XRCC4: variants seen among roughly 807,000 people sequenced by gnomAD.
XRCC4 encodes the protein X-ray repair cross complementing 4.
XRCC4 carries 28 observed loss-of-function variants against 39.1 expected under a neutral mutation model. That is an observed-to-expected ratio of 0.72 (90% CI 0.53 to 0.98). The LOEUF (loss-of-function observed/expected upper bound fraction) is 0.98. Ranked by LOEUF, XRCC4 falls within the 50% of genes least tolerant of loss-of-function variation. The pLI, the probability that XRCC4 is intolerant of heterozygous loss-of-function variation, is 0.00. For missense variants in XRCC4, 350 were observed against 376.4 expected, an observed-to-expected ratio of 0.93 and a Z score of 0.58; for synonymous variants, 123 against 126.4, an observed-to-expected ratio of 0.97 and a Z score of 0.18.
At chr5:83,188,391 G>A (rs1750549278) in intron 3 of XRCC4, among the ~76,000 whole-genome samples, 1 of 152,014 alleles carries the variant, frequency 6.6e-6, no homozygotes, top group Non-Finnish European at 1.5e-5. Context: ...AGACATTCTG[G>A]GTGTTTTTGT....
At chr5:83,135,897 T>C (rs1384768280) in intron 3 of XRCC4, among the ~76,000 whole-genome samples, 1 of 152,220 alleles carries the variant, frequency 6.6e-6, no homozygotes. Flanking sequence ...CTGCTCCATA[T>C]GTGTTCTGTT....
intron 7 of XRCC4, among the ~76,000 whole-genome samples, chr5:83,329,399 T>G (rs1756366113): frequency 6.6e-6 from 1 of 152,120 alleles, no homozygotes; most frequent in Admixed American, 6.6e-5. Flanking sequence ...AAAGAATTTG[T>G]ATTCTCTAAG....
At chr5:83,080,538 A>C (rs951461970) in intron 1 of XRCC4, among the ~76,000 whole-genome samples, 25 of 152,234 alleles carry the variant, frequency 1.6e-4, no homozygotes, top group African/African-American at 5.5e-4. Context: ...AAAAAAAAAA[A>C]AAAATTCCAG....
At chr5:83,306,702 C>A (rs1755500596) in intron 7 of XRCC4, among the ~76,000 whole-genome samples, 2 of 152,192 alleles carry the variant, frequency 1.3e-5, no homozygotes, top group South Asian at 4.1e-4. Context: ...AGCAGAGCCA[C>A]ACAAGCACTG....
At chr5:83,332,271 A>G (rs187192928) in intron 7 of XRCC4, among the ~76,000 whole-genome samples, 2,778 of 139,604 alleles carry the variant, frequency 0.02, 79 homozygotes, top group African/African-American at 0.065. Flanking sequence ...ACACACAGAA[A>G]GAGAGAGAGA....
intron 6 of XRCC4, among the ~76,000 whole-genome samples, chr5:83,236,825 C>A (rs1356408852): frequency 6.9e-6 from 1 of 144,482 alleles, no homozygotes; most frequent in Non-Finnish European, 1.5e-5. Flanking sequence ...CAGCAAGGGA[C>A]AAATAACCAG....
chr5:83,085,701 A>G (rs1034082557), intron 1 of XRCC4, among the ~76,000 whole-genome samples: 1 of 152,218 alleles, frequency 6.6e-6, no homozygotes, highest in Non-Finnish European at 1.5e-5. Context: ...AAATTGGCTC[A>G]TGATGACTTA....
intron 7 of XRCC4, among the ~76,000 whole-genome samples, chr5:83,281,181 T>C (rs775416167): frequency 6.6e-6 from 1 of 152,224 alleles, no homozygotes; most frequent in Non-Finnish European, 1.5e-5. Flanking sequence ...ATATGACTTT[T>C]TAACCTCTTT....
At chr5:83,261,607 T>C (rs1026096745) in intron 7 of XRCC4, among the ~76,000 whole-genome samples, 1 of 60,378 alleles carries the variant, frequency 1.7e-5, no homozygotes, top group Admixed American at 2.8e-4. Flanking sequence ...TACTATGGCT[T>C]AATTTTTTTT....
chr5:83,336,965 G>A (rs1221794880), intron 7 of XRCC4, among the ~76,000 whole-genome samples: 2 of 152,196 alleles, frequency 1.3e-5, no homozygotes, highest in Non-Finnish European at 2.9e-5. Context: ...ACCAGCTATA[G>A]TTGTCAGAAA....
At chr5:83,308,764 T>C (rs1472697587) in intron 7 of XRCC4, among the ~76,000 whole-genome samples, 2 of 152,216 alleles carry the variant, frequency 1.3e-5, no homozygotes, top group Non-Finnish European at 2.9e-5. Flanking sequence ...TTACTCTTTA[T>C]ATAATCACAA....
At chr5:83,177,795 G>T (rs1219242044) in intron 3 of XRCC4, among the ~76,000 whole-genome samples, 1 of 152,130 alleles carries the variant, frequency 6.6e-6, no homozygotes, top group African/African-American at 2.4e-5. Flanking sequence ...AGCTTGAGAG[G>T]TAAGGTTCTG....
intron 3 of XRCC4, among the ~76,000 whole-genome samples, chr5:83,163,821 T>C (rs1218825306): frequency 1.3e-5 from 2 of 152,242 alleles, no homozygotes; most frequent in African/African-American, 4.8e-5. Flanking sequence ...GGTCATCAAG[T>C]AAGACAATTT....
At chr5:83,117,093 A>G (rs1195926073) in intron 3 of XRCC4, among the ~76,000 whole-genome samples, 1 of 152,146 alleles carries the variant, frequency 6.6e-6, no homozygotes, top group African/African-American at 2.4e-5. Flanking sequence ...TAGATAACAT[A>G]GATCCTTTTA....
chr5:83,332,226 TACACACACACAC>T lies in XRCC4; in HGVS notation c.894-20875_894-20864del, dbSNP rs67822741. On this transcript the variant is annotated intron_variant, in intron 7 of 7. Coordinates refer to ENST00000396027, the MANE Select transcript of XRCC4 (RefSeq NM_003401.5). Reference sequence around the variant, plus strand: ...CTTGAATATGAACATTTCAATCTTCTACACACACACACACACACACACACACACACACACACA... The same window carrying T: ...CTTGAATATGAACATTTCAATCTTCTACACACACACACACACACACACACA... Among the ~76,000 whole-genome samples, 349 of 142,036 alleles carry T rather than the reference TACACACACACAC, an allele frequency of 2.5e-3. 2 individuals are homozygous for T. The highest frequency in any genetic ancestry group is 6.4e-3 in the African/African-American group (246 of 38,340). 93.2% of individuals were successfully genotyped at this position (142,036 alleles called of 152,430 possible).
intron 6 of XRCC4, among the ~76,000 whole-genome samples, chr5:83,228,311 C>A (rs28360194): frequency 0.016 from 2,417 of 151,824 alleles, 58 homozygotes; most frequent in African/African-American, 0.054. Flanking sequence ...ATCGAATTTT[C>A]ACATTGTGAT....
chr5:83,122,342 T>C (rs1747050313), intron 3 of XRCC4, among the ~76,000 whole-genome samples: 1 of 152,048 alleles, frequency 6.6e-6, no homozygotes, highest in South Asian at 2.1e-4. Context: ...CCAGGGGAGA[T>C]TTTGCTCATC....
intron 6 of XRCC4, among the ~76,000 whole-genome samples, chr5:83,225,718 C>T (rs1009743921): frequency 3.3e-5 from 5 of 151,274 alleles, no homozygotes; most frequent in Admixed American, 6.6e-5. Flanking sequence ...TTATTGTTTG[C>T]CCTGTTAATT....
intron 3 of XRCC4, among the ~76,000 whole-genome samples, chr5:83,183,014 T>C (rs1332234325): frequency 6.6e-6 from 1 of 152,236 alleles, no homozygotes; most frequent in East Asian, 1.9e-4. Flanking sequence ...TTTGTCACAC[T>C]AATGGAACAT....
Sources: allele counts gnomAD v4.1 joint callset (sites outside exome capture counted in the v4.1 genomes callset), GRCh38; gene constraint gnomAD v4.1.1; transcripts MANE v1.5; gene names NCBI Gene and HGNC (gene_info 2026-07-23, HGNC 2026-07-21).